Variants in CES2 observed in about 807,000 individuals in gnomAD.
CES2 encodes carboxylesterase 2.
In CES2, 42 loss-of-function variants were observed where a neutral mutation model predicts 52.1. The ratio of observed to expected loss-of-function variants is 0.81; its 90% CI spans 0.63 to 1.04. CES2 has a LOEUF of 1.04. Among genes scored for constraint, CES2 ranks in the 50% least tolerant of loss-of-function variants. The probability of loss-of-function intolerance (pLI) is 0.00; values close to 1 mark genes in which losing one functional copy is unlikely to be tolerated. For missense variants in CES2, 656 were observed against 724.3 expected (o/e 0.91, Z 1.08); for synonymous variants, 277 against 289.6 (o/e 0.96, Z 0.44).
chr16:66,938,270 C>T, intron 2 of CES2, 29 bp downstream of exon 2: 1 of 1,537,688 alleles, frequency 6.5e-7, no homozygotes, highest in Non-Finnish European at 9.0e-7. Flanking sequence ...CCAGGGAACT[C>T]CAGGCCCTGG....
rs1439116056 is a variant in CES2, at chr16:66,941,170, T to C, written c.863T>C (p.Leu288Pro). The C allele has an allele frequency of 6.2e-7, 1 of 1,614,038 alleles. No homozygotes were observed. The highest frequency in any genetic ancestry group is 1.3e-5 in the African/African-American group (1 of 74,940). Residue 288 changes from leucine to proline, a missense_variant, in exon 6 of 12, where the codon CTG becomes CCG. By Grantham distance (98) the Leu-to-Pro change is moderately conservative. Coordinates refer to ENST00000317091, the MANE Select transcript of CES2 (RefSeq NM_001365405.1). ...TGTGACCAAGTTGACTCTGAGGCCC[T>C]GGTGGGCTGCCTGCGGGGCAAGAGT... is the stretch of plus-strand genomic sequence containing the variant. ...SACDQVDSEA[L>P]VGCLRGKSKE...
At chr16:66,936,694 C>T (rs1296458797) in intron 1 of CES2, among the ~76,000 whole-genome samples, 2 of 152,046 alleles carry the variant, frequency 1.3e-5, no homozygotes, top group Non-Finnish European at 2.9e-5. Flanking sequence ...TCCTCTCACC[C>T]GAAACTCTCC....
Position 66,943,221 on chromosome 16 carries a change from G to C in CES2, c.1421-78G>C. On this transcript the variant is annotated intron_variant, in intron 10 of 11. Coordinates refer to ENST00000317091, the MANE Select transcript of CES2 (RefSeq NM_001365405.1). This position sits in a 1 kb window ranked among gnomAD's most constrained non-coding sequence, Gnocchi z 4.2. ...AGCAGGACTGGGGACCGAGGTCTCG[G>C]GGGCCAAGGACGAGCTCCACCTGGG... 1 of 1,484,584 alleles carries C rather than the reference G, an allele frequency of 6.7e-7. No individual in the cohort carries two copies. The highest frequency in any genetic ancestry group is 9.3e-7 in the Non-Finnish European group (1 of 1,072,928). The allele number at this position is 1,484,584 out of a possible 1,614,324, so 92.0% of individuals were successfully genotyped here.
chr16:66,944,008 A>T lies in CES2; in HGVS notation c.1663A>T (p.Arg555Ter). 6.5e-7 allele frequency: 1 copy of T among 1,545,736 alleles called. No homozygotes were observed. The highest frequency in any genetic ancestry group is 1.2e-5 in the South Asian group (1 of 84,496). ...CCAGGAGCTCGAGGAGCCTGAAGAG[A>T]GACACACAGAGCTGTAGCTCCCTGT... is the stretch of plus-strand genomic sequence containing the variant. ...KIQELEEPEE[R>*]HTEL The change falls in exon 12 of 12, where the codon AGA (arginine) becomes TGA (stop). Residue 555 changes from arginine (R) to a stop codon, truncating the protein, a stop_gained. Transcript: ENST00000317091. LOFTEE classifies it high-confidence loss of function.
chr16:66,935,965 A>G (rs980692902), intron 1 of CES2: 6 of 1,405,408 alleles, frequency 4.3e-6, no homozygotes, highest in East Asian at 2.7e-5. Context: ...GCGCCGGGAC[A>G]TGCCAGGCCG....
intron 1 of CES2, among the ~76,000 whole-genome samples, chr16:66,936,845 G>T (rs1465946733): frequency 6.6e-6 from 1 of 152,086 alleles, no homozygotes; most frequent in East Asian, 1.9e-4. Flanking sequence ...TTCACCAGGA[G>T]CCCAGCAGGA....
chr16:66,935,914 A>C lies in CES2; in HGVS notation c.76+203A>C, dbSNP rs553039710. ...AGCACAGAAAGGGTCGGGCTGGGGG[A>C]CACCACGGCAAGGAACCAGCGGAGT... On this transcript the variant is annotated intron_variant, in intron 1 of 11. Coordinates refer to ENST00000317091, the MANE Select transcript of CES2 (RefSeq NM_001365405.1). The C allele has an allele frequency of 1.5e-5, 21 of 1,444,158 alleles. No homozygotes were observed. In the South Asian group the frequency reaches 3.0e-4, roughly 20 times the overall value. 89.5% of individuals were successfully genotyped at this position (1,444,158 alleles called of 1,614,324 possible). A position where few individuals can be genotyped will look rare whatever the true frequency, so the allele number is the denominator to read the frequency against.
At chr16:66,941,869 C>T (rs201990298) in intron 8 of CES2, 21 bp downstream of exon 8, 36 of 1,613,984 alleles carry the variant, frequency 2.2e-5, no homozygotes, top group Admixed American at 1.2e-4. Context: ...TGGGGTCCCT[C>T]GCCAATGGAG....
chr16:66,944,032 G>C lies in CES2; in HGVS notation c.*7G>C, dbSNP rs1304701077. The C allele has an allele frequency of 1.4e-6, 2 of 1,457,546 alleles. No individual in the cohort carries two copies. Among genetic ancestry groups the C allele is most frequent in the Non-Finnish European group, 1.8e-6 (2 of 1,081,408 alleles). 90.3% of individuals were successfully genotyped at this position (1,457,546 alleles called of 1,614,324 possible). ...GAGACACACAGAGCTGTAGCTCCCT[G>C]TGCCGGGGAGGAGGGGGTGGGTTCG... On this transcript the variant is annotated 3_prime_UTR_variant, in exon 12 of 12. Transcript: ENST00000317091.
chr16:66,935,955 G>C, intron 1 of CES2: 1 of 1,416,518 alleles, frequency 7.1e-7, no homozygotes, highest in Non-Finnish European at 9.2e-7. Context: ...GGCCCCAGGA[G>C]CGCCGGGACA....
chr16:66,941,041 C>A (rs1160931884), intron 5 of CES2, 83 bp from the exon 6 acceptor site: 5 of 1,576,956 alleles, frequency 3.2e-6, no homozygotes, highest in East Asian at 2.2e-5. Flanking sequence ...ATTTGGGGTA[C>A]CCCTGTTCTT....
At position 66,944,158 on chromosome 16, in the gene CES2, T is replaced by C; in HGVS notation, c.*133T>C. Reference sequence around the variant, plus strand: ...CGCCATTCATTCATACTTCCGTCCATCCATTCAGAAAGCATTTATTAAGAA... The same window carrying C: ...CGCCATTCATTCATACTTCCGTCCACCCATTCAGAAAGCATTTATTAAGAA... On this transcript the variant is annotated 3_prime_UTR_variant, in exon 12 of 12. Coordinates refer to ENST00000317091, the MANE Select transcript of CES2 (RefSeq NM_001365405.1). The C allele has an allele frequency of 1.9e-6, 1 of 518,038 alleles. No homozygotes were observed. Among genetic ancestry groups the C allele is most frequent in the South Asian group, 3.2e-5 (1 of 30,776 alleles). 32.1% of individuals were successfully genotyped at this position (518,038 alleles called of 1,614,324 possible). A position where few individuals can be genotyped will look rare whatever the true frequency, so the allele number is the denominator to read the frequency against.
rs750949399 is a variant in CES2 at position 66,943,275 on chromosome 16, C to T, written c.1421-24C>T. On this transcript the variant is annotated intron_variant, in intron 10 of 11. Transcript: ENST00000317091. The surrounding 1 kb of genome is among the most constrained non-coding windows in gnomAD (Gnocchi z 4.2). The stretch of plus-strand genomic sequence containing the variant: ...CTGAGGTTGGACATCCTGATGAAGA[C>T]ACATGTCCTCTTCCTCTTGGCAGTT... 7 of 1,612,280 alleles carry T rather than the reference C, an allele frequency of 4.3e-6. No homozygotes were observed. The highest frequency in any genetic ancestry group is 5.9e-6 in the Non-Finnish European group (7 of 1,178,504).
At chr16:66,940,863 G>A (rs1963347370) in intron 5 of CES2, among the ~76,000 whole-genome samples, 168 bp downstream of exon 5, 1 of 152,196 alleles carries the variant, frequency 6.6e-6, no homozygotes, top group South Asian at 2.1e-4. Context: ...ACATCCTTCT[G>A]CCATTGCAGA....
At chr16:66,939,097 A>T (rs1287481044) in intron 2 of CES2, 120 bp from the exon 3 acceptor site, 1 of 809,288 alleles carries the variant, frequency 1.2e-6, no homozygotes, top group East Asian at 2.6e-5. Context: ...TTTGAGAGGG[A>T]TCATGTGTGA....
chr16:66,936,017 T>G, intron 1 of CES2: 1 of 1,331,740 alleles, frequency 7.5e-7, no homozygotes, highest in Non-Finnish European at 9.7e-7. Flanking sequence ...GATTGGGGTG[T>G]GGGGATTCAG....
In CES2 at chr16:66,940,384, G is replaced by A. The variant is rs189163624; in HGVS notation, c.557+29G>A. The A allele has an allele frequency of 4.3e-5, 69 of 1,614,074 alleles. No individual in the cohort carries two copies. The East Asian group carries it at 7.4e-4, about 17-fold the overall frequency. ...AGACTAGGGCTGGGCTGGGCAACCC[G>A]GGCTGAGCGGGGCCAGGACAGCCCT... On this transcript the variant is annotated intron_variant, in intron 4 of 11. Coordinates refer to ENST00000317091, the MANE Select transcript of CES2 (RefSeq NM_001365405.1).
Position 66,943,430 on chromosome 16 carries a change from G to T in CES2, c.1493+59G>T. On this transcript the variant is annotated intron_variant, in intron 11 of 11. Coordinates refer to ENST00000317091, the MANE Select transcript of CES2 (RefSeq NM_001365405.1). The surrounding 1 kb of genome is among the most constrained non-coding windows in gnomAD (Gnocchi z 4.2). ...ATTGGGGGACTTGTGCCCATCCAGTGCTCTCCTAGTCTGGGGTGACCTCAT... is the reference window on the plus strand; with the variant it reads ...ATTGGGGGACTTGTGCCCATCCAGTTCTCTCCTAGTCTGGGGTGACCTCAT... 1 of 1,578,568 alleles carries T rather than the reference G, an allele frequency of 6.3e-7. No homozygotes were observed. Among genetic ancestry groups the T allele is most frequent in the Non-Finnish European group, 8.7e-7 (1 of 1,148,774 alleles).
At chr16:66,942,404 A>C in intron 9 of CES2, 155 bp downstream of exon 9, 1 of 908,488 alleles carries the variant, frequency 1.1e-6, no homozygotes. Flanking sequence ...TGGCTAGCCC[A>C]AGAATCCGAC....
Sources: allele counts gnomAD v4.1 joint callset (sites outside exome capture counted in the v4.1 genomes callset), GRCh38; gene constraint gnomAD v4.1.1; non-coding constraint Gnocchi (gnomAD v3.1); transcripts MANE v1.5; gene names NCBI Gene and HGNC (gene_info 2026-07-23, HGNC 2026-07-21).